Variants in ITPRIP observed in about 807,000 individuals in gnomAD.
ITPRIP encodes inositol 1,4,5-trisphosphate receptor interacting protein, also known as inositol 1,4,5-trisphosphate receptor-interacting protein.
A neutral mutation model predicts 35.8 loss-of-function variants in ITPRIP; 32 were observed. That is an observed-to-expected ratio of 0.89 (90% CI 0.68 to 1.20). ITPRIP has a LOEUF of 1.20. Ranked by LOEUF, ITPRIP falls within the 50% of genes most tolerant of loss-of-function variation. ITPRIP has a pLI of 0.00. For missense variants in ITPRIP, 653 were observed against 735.6 expected (o/e 0.89, Z 1.30); for synonymous variants, 358 against 324.0 (o/e 1.11, Z -1.13).
chr10:104,314,607 C>T lies in ITPRIP; in HGVS notation c.1445G>A (p.Arg482His), dbSNP rs371283440. 55 of 1,614,012 alleles carry T rather than the reference C, an allele frequency of 3.4e-5. No homozygotes were observed. The highest frequency in any genetic ancestry group is 6.7e-5 in the East Asian group (3 of 44,886). The change falls in exon 2 of 2, where the codon CGC becomes CAC. Residue 482 changes from arginine to histidine, a missense_variant. Transcript: ENST00000337478. ...GAGTCCCATGGCCTCAGGCACCTTG[C>T]GGTTGCCGATGAAGAAGTGGTGGAG... Reference protein sequence around the residue: ...KKLHHFFIGNRKVPEAMGLPE... With the variant: ...KKLHHFFIGNHKVPEAMGLPE...
intron 1 of ITPRIP, among the ~76,000 whole-genome samples, chr10:104,325,252 G>A (rs1178354668): frequency 1.3e-5 from 2 of 152,080 alleles, no homozygotes; most frequent in East Asian, 1.9e-4. Context: ...AAATATGTTA[G>A]TGGCCACCCA....
intron 1 of ITPRIP, among the ~76,000 whole-genome samples, chr10:104,318,003 C>T: frequency 6.6e-6 from 1 of 152,170 alleles, no homozygotes; most frequent in East Asian, 1.9e-4. Flanking sequence ...CCTGAGGATT[C>T]TCAGTGTGGG....
chr10:104,315,163 T>C lies in ITPRIP; in HGVS notation c.889A>G (p.Thr297Ala). 1 of 1,614,146 alleles carries C rather than the reference T, an allele frequency of 6.2e-7. No individual in the cohort carries two copies. The highest frequency in any genetic ancestry group is 8.5e-7 in the Non-Finnish European group (1 of 1,179,984). ...TGGAACCACTTCATGACCTGCATCG[T>C]GTCCAGGTACAGGGAATCTGTGGCA... ...LCATDSLYLD[T>A]MQVMKWFQTA... Residue 297 changes from threonine (T) to alanine (A), a missense_variant, in exon 2 of 2, where the codon ACG becomes GCG. Transcript: ENST00000337478. The surrounding 1 kb of genome is among the most constrained non-coding windows in gnomAD (Gnocchi z 5.7).
chr10:104,316,024 GAC>G lies in ITPRIP; in HGVS notation c.26_27del (p.Cys9SerfsTer105), dbSNP rs780819994. 6.3e-7 allele frequency: 1 copy of G among 1,597,602 alleles called. No homozygotes were observed. The highest frequency in any genetic ancestry group is 1.3e-5 in the African/African-American group (1 of 74,638). MAMGLFRV[C>X]LVVVTAIINH... ...TTGATGATGGCCGTCACCACCACCA[GAC>G]ACACGCGGAAGAGCCCCATGGCCAT... On this transcript the variant is annotated frameshift_variant, in exon 2 of 2. Coordinates refer to ENST00000337478, the MANE Select transcript of ITPRIP (RefSeq NM_001272013.2). LOFTEE classifies it high-confidence loss of function.
rs555121841 is a variant in ITPRIP at position 104,338,036 on chromosome 10, G to A, written c.-14+210C>T. Among the ~76,000 whole-genome samples the A allele has an allele frequency of 9.8e-5, 15 of 152,290 alleles. No homozygotes were observed. The East Asian group carries it at 2.9e-3, about 29-fold the overall frequency. ...CGCGGCGGGAACAGGATGCGGGACCGCGAGGAGACAATACGCCCGCCTGGG... is the reference window on the plus strand; with the variant it reads ...CGCGGCGGGAACAGGATGCGGGACCACGAGGAGACAATACGCCCGCCTGGG... On this transcript the variant is annotated intron_variant, in intron 1 of 1. Coordinates refer to ENST00000337478, the MANE Select transcript of ITPRIP (RefSeq NM_001272013.2).
Position 104,314,397 on chromosome 10 carries a change from T to C in ITPRIP, c.*11A>G. 2 of 1,598,146 alleles carry C rather than the reference T, an allele frequency of 1.3e-6. No homozygotes were observed. Among genetic ancestry groups the C allele is most frequent in the Non-Finnish European group, 1.7e-6 (2 of 1,170,370 alleles). On this transcript the variant is annotated 3_prime_UTR_variant, in exon 2 of 2. Transcript: ENST00000337478. Reference sequence around the variant, plus strand: ...ATCTTAGCTCGAGGATCCCACATTCTGTAAAAGACGTCAGCTTTTTGGGGT... The same window carrying C: ...ATCTTAGCTCGAGGATCCCACATTCCGTAAAAGACGTCAGCTTTTTGGGGT...
rs2013658844 is a variant in ITPRIP at position 104,315,781 on chromosome 10, T to C, written c.271A>G (p.Thr91Ala). The C allele has an allele frequency of 3.1e-6, 5 of 1,613,868 alleles. No individual in the cohort carries two copies. The highest frequency in any genetic ancestry group is 2.2e-5 in the South Asian group (2 of 91,082). Reference sequence around the variant, plus strand: ...ATCAGGAAGAGGATCATGCAGAGGGTGCTCCAGAGGTCCCAGGCCACGCGT... The same window carrying C: ...ATCAGGAAGAGGATCATGCAGAGGGCGCTCCAGAGGTCCCAGGCCACGCGT... ...ETRVAWDLWS[T>A]LCMILFLMIE... is the part of the protein sequence containing the mutation. Residue 91 changes from threonine to alanine, a missense_variant, in exon 2 of 2, where the codon ACC (threonine) becomes GCC (alanine). Thr to Ala is a moderately conservative substitution (Grantham distance 58). Transcript: ENST00000337478. This position sits in a 1 kb window ranked among gnomAD's most constrained non-coding sequence, Gnocchi z 5.7.
Position 104,326,887 on chromosome 10 carries a change from G to A in ITPRIP, c.-13-10823C>T, listed in dbSNP as rs1402509795. The A allele has an allele frequency of 2.0e-5, 3 of 152,292 alleles. No homozygotes were observed. The highest frequency in any genetic ancestry group is 4.8e-5 in the African/African-American group (2 of 41,436). 9.4% of individuals were successfully genotyped at this position (152,292 alleles called of 1,614,324 possible). A position where few individuals can be genotyped will look rare whatever the true frequency, so the allele number is the denominator to read the frequency against. ...GCTGCCACAGCTGAGCATCATCTGA[G>A]ACAACAGGAGCTGGAAGAGGCAAAG... On this transcript the variant is annotated intron_variant, in intron 1 of 1. Coordinates refer to ENST00000337478, the MANE Select transcript of ITPRIP (RefSeq NM_001272013.2). This position sits in a 1 kb window ranked among gnomAD's most constrained non-coding sequence, Gnocchi z 4.8.
In ITPRIP at chr10:104,313,114, C is replaced by T. The variant is rs904264290; in HGVS notation, c.*1294G>A. 7 of 985,328 alleles carry T rather than the reference C, an allele frequency of 7.1e-6. No individual in the cohort carries two copies. The highest frequency in any genetic ancestry group is 5.2e-4 in the Middle Eastern group (1 of 1,936). 61.0% of individuals were successfully genotyped at this position (985,328 alleles called of 1,614,324 possible). On this transcript the variant is annotated 3_prime_UTR_variant, in exon 2 of 2. Transcript: ENST00000337478. ...TGGGTTCTGTGCAGTGAGGGAGCCC[C>T]GCTGGAGTGAGGAACTAGGGGCTCA...
Position 104,313,426 on chromosome 10 carries a change from T to C in ITPRIP, c.*982A>G, listed in dbSNP as rs2013540594. The C allele has an allele frequency of 2.0e-6, 2 of 985,788 alleles. No individual in the cohort carries two copies. Among genetic ancestry groups the C allele is most frequent in the Non-Finnish European group, 2.4e-6 (2 of 830,128 alleles). The allele number at this position is 985,788 out of a possible 1,614,324, so 61.1% of individuals were successfully genotyped here. On this transcript the variant is annotated 3_prime_UTR_variant, in exon 2 of 2. Transcript: ENST00000337478. ...CTGCGCACAGCCTCTGGGAGTGCCATGGCCTCAGGTGCCTTGTGGTTGCCA... is the reference window on the plus strand; with the variant it reads ...CTGCGCACAGCCTCTGGGAGTGCCACGGCCTCAGGTGCCTTGTGGTTGCCA...
chr10:104,320,535 A>ATTTT (rs34369154), intron 1 of ITPRIP, among the ~76,000 whole-genome samples: 3 of 131,670 alleles, frequency 2.3e-5, no homozygotes, highest in South Asian at 2.4e-4. Flanking sequence ...TCTGCCTGTA[A>ATTTT]TTTTTTTTTT....
chr10:104,332,751 G>A (rs1407526993), intron 1 of ITPRIP, among the ~76,000 whole-genome samples: 2 of 152,218 alleles, frequency 1.3e-5, no homozygotes, highest in Non-Finnish European at 2.9e-5. Context: ...ATTAGCAAGT[G>A]TATCTCAAGC....
In ITPRIP at chr10:104,316,041, C is replaced by CCCATGG; in HGVS notation, c.5_10dup (p.Ala2_Met3dup). ...CACCACCAGACACACGCGGAAGAGCCCCATGGCCATGGTTGGAGCTTTCCT... is the reference window on the plus strand; with the variant it reads ...CACCACCAGACACACGCGGAAGAGCCCCATGGCCATGGCCATGGTTGGAGCTTTCCT... On this transcript the variant is annotated inframe_insertion, in exon 2 of 2. Transcript: ENST00000337478. 5.1e-6 allele frequency: 8 copies of CCCATGG among 1,579,544 alleles called. No homozygotes were observed. Among genetic ancestry groups the CCCATGG allele is most frequent in the Non-Finnish European group, 6.0e-6 (7 of 1,164,386 alleles).
At chr10:104,319,778 G>T (rs1424695844) in intron 1 of ITPRIP, among the ~76,000 whole-genome samples, 1 of 151,940 alleles carries the variant, frequency 6.6e-6, no homozygotes, top group East Asian at 1.9e-4. Context: ...GGGGTCAGAA[G>T]AATGTCCTGC....
Position 104,311,427 on chromosome 10 carries a change from C to T in ITPRIP, c.*2981G>A, listed in dbSNP as rs527975707. On this transcript the variant is annotated 3_prime_UTR_variant, in exon 2 of 2. Coordinates refer to ENST00000337478, the MANE Select transcript of ITPRIP (RefSeq NM_001272013.2). ...TCGAGCCTAGCCTGACCACTCCAGA[C>T]TGGATTCTGAGCACCATGTAGGTTC... is the stretch of plus-strand genomic sequence containing the variant. The T allele has an allele frequency of 1.3e-5, 2 of 152,396 alleles. No individual in the cohort carries two copies. Among genetic ancestry groups the T allele is most frequent in the Non-Finnish European group, 1.5e-5 (1 of 68,070 alleles). The allele number at this position is 152,396 out of a possible 1,614,324, so 9.4% of individuals were successfully genotyped here.
chr10:104,327,010 TC>T (rs1225060270), intron 1 of ITPRIP: 2 of 152,262 alleles, frequency 1.3e-5, no homozygotes, highest in East Asian at 3.9e-4. Flanking sequence ...TCTTAAGCCC[TC>T]CTGGTGTGTG....
At position 104,313,717 on chromosome 10, in the gene ITPRIP, C is replaced by T. The variant is rs1056994960; in HGVS notation, c.*691G>A. On this transcript the variant is annotated 3_prime_UTR_variant, in exon 2 of 2. Coordinates refer to ENST00000337478, the MANE Select transcript of ITPRIP (RefSeq NM_001272013.2). Reference sequence around the variant, plus strand: ...GCACCTGAGTGAGAAGTGTAGGGTGCAGCTGAGTGAGAAGTGTAGCTGAAA... The same window carrying T: ...GCACCTGAGTGAGAAGTGTAGGGTGTAGCTGAGTGAGAAGTGTAGCTGAAA... The T allele has an allele frequency of 2.0e-6, 2 of 985,450 alleles. No homozygotes were observed. The highest frequency in any genetic ancestry group is 3.5e-5 in the African/African-American group (2 of 57,324). The allele number at this position is 985,450 out of a possible 1,614,324, so 61.0% of individuals were successfully genotyped here.
At chr10:104,317,208 T>C (rs1164471880) in intron 1 of ITPRIP, among the ~76,000 whole-genome samples, 2 of 152,192 alleles carry the variant, frequency 1.3e-5, no homozygotes, top group Non-Finnish European at 2.9e-5. Flanking sequence ...AATCACTAAT[T>C]TCTTCTTACC....
In ITPRIP at chr10:104,314,129, T is replaced by A. The variant is rs1001004394; in HGVS notation, c.*279A>T. ...GGGTCCACAGCGTGTTCTGCCACCA[T>A]CTTGGCCATTCATGGTGATCCAGAA... On this transcript the variant is annotated 3_prime_UTR_variant, in exon 2 of 2. Transcript: ENST00000337478. 3 of 1,226,308 alleles carry A rather than the reference T, an allele frequency of 2.4e-6. No homozygotes were observed. The highest frequency in any genetic ancestry group is 2.0e-6 in the Non-Finnish European group (2 of 979,478). The allele number at this position is 1,226,308 out of a possible 1,614,324, so 76.0% of individuals were successfully genotyped here.
Sources: gnomAD v4.1 joint callset for allele counts (sites outside exome capture counted in the v4.1 genomes callset) on GRCh38, gnomAD v4.1.1 for gene constraint, Gnocchi (gnomAD v3.1) non-coding constraint, MANE v1.5 for transcripts, NCBI Gene and HGNC (gene_info 2026-07-23, HGNC 2026-07-21) for gene names.